Variants in USP12 observed in about 807,000 individuals in gnomAD.
The protein encoded by USP12 is ubiquitin specific peptidase 12.
Under a neutral mutation model 45.5 loss-of-function variants are expected in USP12, and 19 were observed. The ratio of observed to expected loss-of-function variants is 0.42; its 90% CI spans 0.29 to 0.61. The LOEUF (loss-of-function observed/expected upper bound fraction) is 0.61. Among genes scored for constraint, USP12 ranks in the 20% least tolerant of loss-of-function variants. The probability of loss-of-function intolerance (pLI) is 0.22; values close to 1 mark genes in which losing one functional copy is unlikely to be tolerated. For synonymous variants in USP12, 149 were observed against 148.8 expected, an observed-to-expected ratio of 1.00 and a Z score of -0.01; for missense variants, 242 against 447.7, an observed-to-expected ratio of 0.54 and a Z score of 4.15.
chr13:27,120,039 T>C (rs534581454), intron 1 of USP12, among the ~76,000 whole-genome samples: 1 of 152,342 alleles, frequency 6.6e-6, no homozygotes, highest in African/African-American at 2.4e-5. Flanking sequence ...TAAGTTGTTT[T>C]TAAATTTAAC....
chr13:27,070,812 C>A (rs1487516129), intron 8 of USP12, among the ~76,000 whole-genome samples: 5 of 152,196 alleles, frequency 3.3e-5, no homozygotes, highest in Non-Finnish European at 7.3e-5. Context: ...CTCAGCCTCC[C>A]CAAGTGCTGG....
At chr13:27,090,544 T>C (rs769297637) in intron 4 of USP12, among the ~76,000 whole-genome samples, 4 of 152,152 alleles carry the variant, frequency 2.6e-5, no homozygotes, top group Non-Finnish European at 4.4e-5. Flanking sequence ...TGTATTGTCA[T>C]TAAAAAAAAA....
chr13:27,069,531 A>C, intron 8 of USP12, 147 bp from the exon 9 acceptor site: 1 of 628,498 alleles, frequency 1.6e-6, no homozygotes, highest in Non-Finnish European at 2.8e-6. Flanking sequence ...CACACCAAAA[A>C]AATGTTTATA....
At chr13:27,119,869 T>C (rs1287778307) in intron 1 of USP12, among the ~76,000 whole-genome samples, 1 of 152,242 alleles carries the variant, frequency 6.6e-6, no homozygotes, top group Non-Finnish European at 1.5e-5. Flanking sequence ...TGCCTTCCTG[T>C]GGTAATGACA....
intron 7 of USP12, 123 bp downstream of exon 7, chr13:27,075,068 A>G (rs1873414973): frequency 2.4e-6 from 2 of 846,470 alleles, no homozygotes; most frequent in South Asian, 3.5e-5. Context: ...TTGAAATAAA[A>G]TTATCTTGAG....
At chr13:27,135,005 C>G (rs1876733907) in intron 1 of USP12, among the ~76,000 whole-genome samples, 1 of 152,132 alleles carries the variant, frequency 6.6e-6, no homozygotes, top group Non-Finnish European at 1.5e-5. Flanking sequence ...TAAAACAAGG[C>G]CAGGTGCTGT....
At chr13:27,073,527 G>A (rs79179960) in intron 7 of USP12, among the ~76,000 whole-genome samples, 7,072 of 152,126 alleles carry the variant, frequency 0.046, 187 homozygotes, top group Admixed American at 0.076. Flanking sequence ...TTTTAAAAGG[G>A]GAGAGTGGGG....
intron 7 of USP12, among the ~76,000 whole-genome samples, chr13:27,074,326 G>A (rs1373067390): frequency 6.6e-6 from 1 of 152,106 alleles, no homozygotes; most frequent in Non-Finnish European, 1.5e-5. Flanking sequence ...CGTGAACCCG[G>A]GAGGCGGAGC....
In USP12 at chr13:27,096,441, G is replaced by A. The variant is rs184699765; in HGVS notation, c.344-611C>T. Among the ~76,000 whole-genome samples the A allele has an allele frequency of 4.6e-5, 7 of 152,188 alleles. No homozygotes were observed. The East Asian group carries it at 7.7e-4, about 17-fold the overall frequency. ...GTGAGACTTTATAATTCCACAAAACGTTCCCTGCAGTTACACAAATGAGTA... is the reference window on the plus strand; with the variant it reads ...GTGAGACTTTATAATTCCACAAAACATTCCCTGCAGTTACACAAATGAGTA... On this transcript the variant is annotated intron_variant, in intron 3 of 8. Coordinates refer to ENST00000282344, the MANE Select transcript of USP12 (RefSeq NM_182488.4).
At chr13:27,157,003 T>C (rs1194433276) in intron 1 of USP12, among the ~76,000 whole-genome samples, 1 of 152,180 alleles carries the variant, frequency 6.6e-6, no homozygotes, top group Non-Finnish European at 1.5e-5. Context: ...TATTTGTTAA[T>C]TTCCTTACCT....
In USP12 at chr13:27,146,694, A is replaced by G. The variant is rs114550934; in HGVS notation, c.48+24898T>C. On this transcript the variant is annotated intron_variant, in intron 1 of 8. Transcript: ENST00000282344. ...ATTCCCTAATTTCCTACCTTGTTTCAGAAGGCACTTAAGATGGCAATATTC... is the reference window on the plus strand; with the variant it reads ...ATTCCCTAATTTCCTACCTTGTTTCGGAAGGCACTTAAGATGGCAATATTC... Among the ~76,000 whole-genome samples the G allele has an allele frequency of 8.1e-3, 1,227 of 152,334 alleles. 20 individuals carry two copies. The highest frequency in any genetic ancestry group is 0.028 in the African/African-American group (1,175 of 41,578).
intron 1 of USP12, among the ~76,000 whole-genome samples, chr13:27,154,522 C>T (rs1877727031): frequency 6.6e-6 from 1 of 152,110 alleles, no homozygotes; most frequent in Admixed American, 6.6e-5. Flanking sequence ...TTAATGTTCA[C>T]TTAGTACAAA....
intron 1 of USP12, among the ~76,000 whole-genome samples, chr13:27,117,038 CAG>C (rs1473434714): frequency 6.6e-6 from 1 of 152,126 alleles, no homozygotes; most frequent in Non-Finnish European, 1.5e-5. Flanking sequence ...ACAGGTGTTA[CAG>C]AGACACCCTG....
chr13:27,112,173 A>G (rs1178815758), intron 2 of USP12, among the ~76,000 whole-genome samples: 3 of 152,080 alleles, frequency 2.0e-5, no homozygotes, highest in Non-Finnish European at 4.4e-5. Context: ...CAGTTTCTTC[A>G]CCTGCAAAAA....
intron 1 of USP12, among the ~76,000 whole-genome samples, chr13:27,156,678 G>C (rs769695565): frequency 6.6e-6 from 1 of 152,100 alleles, no homozygotes; most frequent in Admixed American, 6.5e-5. Context: ...AAAATTAGCT[G>C]GGCATGGTGG....
At chr13:27,087,250 GATGTGT>G (rs1874097005) in intron 6 of USP12, among the ~76,000 whole-genome samples, 1 of 25,436 alleles carries the variant, frequency 3.9e-5, no homozygotes, top group African/African-American at 9.8e-5. Context: ...AGTGGGGAGG[GATGTGT>G]GTGTGTGTGT....
intron 7 of USP12, among the ~76,000 whole-genome samples, chr13:27,073,104 C>T (rs908296187): frequency 6.6e-6 from 1 of 152,008 alleles, no homozygotes; most frequent in African/African-American, 2.4e-5. Context: ...GGAGCAGCAC[C>T]ACATGGAGAC....
chr13:27,138,546 G>A (rs1233294805), intron 1 of USP12, among the ~76,000 whole-genome samples: 1 of 152,182 alleles, frequency 6.6e-6, no homozygotes, highest in African/African-American at 2.4e-5. Context: ...GTGACCACTG[G>A]AGAGGTTAGA....
At chr13:27,076,907 C>A (rs923183208) in intron 6 of USP12, among the ~76,000 whole-genome samples, 1 of 152,140 alleles carries the variant, frequency 6.6e-6, no homozygotes, top group Admixed American at 6.5e-5. Context: ...TCCTAGAAAG[C>A]AATCCACCAA....
Sources: gnomAD v4.1 joint callset for allele counts (sites outside exome capture counted in the v4.1 genomes callset) on GRCh38, gnomAD v4.1.1 for gene constraint, MANE v1.5 for transcripts, NCBI Gene and HGNC (gene_info 2026-07-23, HGNC 2026-07-21) for gene names.